Variants in DOCK7 observed in about 807,000 individuals in gnomAD.
The protein encoded by DOCK7 is dedicator of cytokinesis 7.
Under a neutral mutation model 271.0 loss-of-function variants are expected in DOCK7, and 138 were observed. That is an observed-to-expected ratio of 0.51 (90% CI 0.44 to 0.59). The LOEUF (loss-of-function observed/expected upper bound fraction) is 0.59. DOCK7 is among the 20% of genes least tolerant of loss of function. The probability of loss-of-function intolerance (pLI) is 0.00; values close to 1 mark genes in which losing one functional copy is unlikely to be tolerated. For missense variants in DOCK7, 2,066 were observed against 2,592.4 expected, an observed-to-expected ratio of 0.80 and a Z score of 4.41; for synonymous variants, 823 against 876.1, an observed-to-expected ratio of 0.94 and a Z score of 1.07.
intron 22 of DOCK7, 56 bp from the exon 23 acceptor site, chr1:62,545,095 T>G: frequency 2.9e-6 from 4 of 1,370,202 alleles, no homozygotes; most frequent in Non-Finnish European, 4.0e-6. Context: ...TGTTGCATGC[T>G]ATAAATTATT....
At chr1:62,591,465 T>C (rs1748199) in intron 14 of DOCK7, among the ~76,000 whole-genome samples, 63,202 of 151,814 alleles carry the variant, frequency 0.42, 14,987 homozygotes, top group African/African-American at 0.65. Context: ...GTTTACCTAA[T>C]AAACCTTCAC....
chr1:62,597,405 G>A, intron 14 of DOCK7: 1 of 670,002 alleles, frequency 1.5e-6, no homozygotes, highest in Non-Finnish European at 2.5e-6. Context: ...TGTGGAAGAA[G>A]GTTACATTCG....
intron 7 of DOCK7, among the ~76,000 whole-genome samples, chr1:62,645,512 C>T (rs1656537399): frequency 6.6e-6 from 1 of 151,868 alleles, no homozygotes; most frequent in South Asian, 2.1e-4. Context: ...ACAGTGGTTG[C>T]CTACGGATGG....
At chr1:62,643,168 C>A (rs1422178506) in intron 7 of DOCK7, among the ~76,000 whole-genome samples, 1 of 152,132 alleles carries the variant, frequency 6.6e-6, no homozygotes, top group East Asian at 1.9e-4. Context: ...AGAGAGACTC[C>A]TAGACCAACC....
chr1:62,533,791 C>CT lies in DOCK7; in HGVS notation c.3611+1701dup, dbSNP rs528694584. Among the ~76,000 whole-genome samples, 418 of 152,306 alleles carry CT rather than the reference C, an allele frequency of 2.7e-3. 1 individual carries two copies. The highest frequency in any genetic ancestry group is 4.4e-3 in the Non-Finnish European group (302 of 68,018). On this transcript the variant is annotated intron_variant, in intron 29 of 49. Coordinates refer to ENST00000635253, the MANE Select transcript of DOCK7 (RefSeq NM_001367561.1). ...CTGCTAAGAACTTGACATACCTCCT[C>CT]TTTTATTCATTCAATAAATATATCA...
chr1:62,641,304 C>A (rs1351560632), intron 7 of DOCK7: 2 of 414,618 alleles, frequency 4.8e-6, no homozygotes, highest in Non-Finnish European at 9.5e-6. Context: ...ACACCATGAG[C>A]CAGGAGCCCC....
chr1:62,688,232 G>A lies in DOCK7; in HGVS notation c.33C>T (p.Ile11=). 1 of 1,377,596 alleles carries A rather than the reference G, an allele frequency of 7.3e-7. No homozygotes were observed. The highest frequency in any genetic ancestry group is 2.0e-4 in the Middle Eastern group (1 of 4,916). 85.3% of individuals were successfully genotyped at this position (1,377,596 alleles called of 1,614,324 possible). MAERRAFAQK[I]SRTVAAEVRK... ...GCCCCACGCCGGATATTTACCTGCT[G>A]ATCTTCTGGGCGAAGGCGCGGCGCT... is the stretch of plus-strand genomic sequence containing the variant. The change falls in exon 1 of 50, where the codon ATC becomes ATT. Residue 11 remains isoleucine, a synonymous_variant. Coordinates refer to ENST00000635253, the MANE Select transcript of DOCK7 (RefSeq NM_001367561.1).
chr1:62,467,571 A>C (rs1268193322), intron 48 of DOCK7, among the ~76,000 whole-genome samples: 1 of 152,248 alleles, frequency 6.6e-6, no homozygotes, highest in Non-Finnish European at 1.5e-5. Flanking sequence ...TGGAAGAATG[A>C]CTGTACCATA....
chr1:62,457,852 T>TA (rs765778705), intron 48 of DOCK7, 147 bp from the exon 49 acceptor site: 88 of 719,414 alleles, frequency 1.2e-4, no homozygotes, highest in Non-Finnish European at 1.9e-4. Flanking sequence ...CACACACACA[T>TA]ACACACAAAA....
intron 28 of DOCK7, 109 bp from the exon 29 acceptor site, chr1:62,535,741 T>C: frequency 2.7e-6 from 3 of 1,098,006 alleles, no homozygotes; most frequent in East Asian, 2.7e-5. Context: ...GTTTATTTTA[T>C]ATTACTAACA....
chr1:62,601,903 A>G, intron 14 of DOCK7: 1 of 1,486,518 alleles, frequency 6.7e-7, no homozygotes, highest in Non-Finnish European at 9.4e-7. Context: ...TCTAAGGAGA[A>G]TAGACAGTAG....
chr1:62,614,457 G>C (rs1217787778), intron 14 of DOCK7, among the ~76,000 whole-genome samples: 1 of 151,952 alleles, frequency 6.6e-6, no homozygotes, highest in African/African-American at 2.4e-5. Context: ...CATGGACATT[G>C]ATGGTCTAAT....
At chr1:62,539,967 A>AT (rs1284367737) in intron 25 of DOCK7, 75 bp from the exon 26 acceptor site, 1 of 1,007,408 alleles carries the variant, frequency 9.9e-7, no homozygotes, top group Non-Finnish European at 1.4e-6. Flanking sequence ...CACTTGGACT[A>AT]TTTTTAAAAT....
intron 18 of DOCK7, among the ~76,000 whole-genome samples, chr1:62,564,774 G>T (rs1399486523): frequency 6.6e-6 from 1 of 151,804 alleles, no homozygotes; most frequent in African/African-American, 2.4e-5. Context: ...GCTGGTTTTT[G>T]GAAAAGATCA....
rs1646380988 is a variant in DOCK7, at chr1:62,489,062, C to T, written c.5365G>A (p.Gly1789Ser). The T allele has an allele frequency of 1.3e-6, 2 of 1,559,450 alleles. No individual in the cohort carries two copies. Among genetic ancestry groups the T allele is most frequent in the Non-Finnish European group, 8.7e-7 (1 of 1,153,946 alleles). ...ACTTCATTAACTGCTTCATACATGC[C>T]AGCCTATAAGAAAAAATTTTGTTAA... ...EQAAASFSMA[G>S]MYEAVNEVYK... Residue 1789 changes from glycine (G) to serine (S), a missense_variant, in exon 42 of 50, where the codon GGC becomes AGC. Around this residue, in one of 2 missense-constraint regions of DOCK7, gnomAD observed 652 missense variants for 922.1 expected, o/e 0.71. Transcript: ENST00000635253.
intron 48 of DOCK7, among the ~76,000 whole-genome samples, chr1:62,470,536 A>C (rs1645801275): frequency 6.6e-6 from 1 of 152,078 alleles, no homozygotes; most frequent in Non-Finnish European, 1.5e-5. Flanking sequence ...ATCACTTCTA[A>C]AGAACTTACT....
At chr1:62,523,415 CTA>C (rs1310217023) in intron 31 of DOCK7, among the ~76,000 whole-genome samples, 1 of 151,860 alleles carries the variant, frequency 6.6e-6, no homozygotes, top group Non-Finnish European at 1.5e-5. Context: ...ATAAAAAAAT[CTA>C]TTTCAGGTAG....
At chr1:62,574,661 C>A (rs973160744) in intron 18 of DOCK7, among the ~76,000 whole-genome samples, 2 of 152,150 alleles carry the variant, frequency 1.3e-5, no homozygotes, top group Admixed American at 1.3e-4. Flanking sequence ...AAAACATGGA[C>A]CCATCTGTGC....
chr1:62,684,253 G>C (rs1661485230), intron 1 of DOCK7, among the ~76,000 whole-genome samples: 1 of 151,820 alleles, frequency 6.6e-6, no homozygotes, highest in East Asian at 1.9e-4. Flanking sequence ...ACTAGGATTT[G>C]AGTCCCAATT....
Sources: allele counts gnomAD v4.1 joint callset (sites outside exome capture counted in the v4.1 genomes callset), GRCh38; gene constraint gnomAD v4.1.1; regional missense constraint gnomAD v4.1.1; transcripts MANE v1.5; gene names NCBI Gene and HGNC (gene_info 2026-07-23, HGNC 2026-07-21).